Variants in PRMT7 observed in about 807,000 individuals in gnomAD.
PRMT7 encodes protein arginine methyltransferase 7, also known as protein arginine N-methyltransferase 7.
A neutral mutation model predicts 85.4 loss-of-function variants in PRMT7; 75 were observed. That is an observed-to-expected ratio of 0.88 (90% CI 0.73 to 1.06). The LOEUF is 1.06. Ranked by LOEUF, PRMT7 falls within the 50% of genes least tolerant of loss-of-function variation. The pLI, the probability that PRMT7 is intolerant of heterozygous loss-of-function variation, is 0.00. For missense variants in PRMT7, 868 were observed against 915.2 expected (o/e 0.95, Z 0.67); for synonymous variants, 397 against 359.5 (o/e 1.10, Z -1.18).
At chr16:68,348,601 G>A (rs2086769068) in intron 14 of PRMT7, among the ~76,000 whole-genome samples, 170 bp downstream of exon 14, 2 of 150,042 alleles carry the variant, frequency 1.3e-5, no homozygotes, top group Admixed American at 1.3e-4. Flanking sequence ...CTTTCATGGA[G>A]CTGCCCGGTG....
chr16:68,344,933 T>TACACACACACACAC (rs368385265), intron 9 of PRMT7, among the ~76,000 whole-genome samples: 55 of 131,164 alleles, frequency 4.2e-4, no homozygotes, highest in South Asian at 1.2e-3. Context: ...CCTGCATCTC[T>TACACACACACACAC]ACACACACAC....
rs756896202 is a variant in PRMT7, at chr16:68,357,050, A to G, written c.1909-4A>G. The G allele has an allele frequency of 6.2e-7, 1 of 1,603,098 alleles. No individual in the cohort carries two copies. The highest frequency in any genetic ancestry group is 8.5e-7 in the Non-Finnish European group (1 of 1,174,236). ...TCACCATCTTCCTGCTCTTCTTCCT[A>G]CAGGGGGGCTGCTGCTGGAACCCCC... On this transcript the variant is annotated splice_polypyrimidine_tract_variant and splice_region_variant and intron_variant, in intron 18 of 18. Transcript: ENST00000441236.
At chr16:68,332,266 G>A (rs1162915037) in intron 6 of PRMT7, among the ~76,000 whole-genome samples, 3 of 152,138 alleles carry the variant, frequency 2.0e-5, no homozygotes, top group Non-Finnish European at 4.4e-5. Flanking sequence ...ATTGTAGGAT[G>A]TTTAGCAGTG....
chr16:68,328,029 TTTAG>T (rs1237095971), intron 5 of PRMT7: 3 of 187,144 alleles, frequency 1.6e-5, no homozygotes, highest in South Asian at 7.0e-5. Context: ...TTGTTCTATT[TTTAG>T]TTATTGTTAA....
intron 6 of PRMT7, among the ~76,000 whole-genome samples, chr16:68,330,643 G>A (rs1312620033): frequency 5.3e-5 from 8 of 152,136 alleles, no homozygotes; most frequent in Admixed American, 5.2e-4. Flanking sequence ...TGCCCAGGCT[G>A]GAGTGCAATG....
intron 14 of PRMT7, among the ~76,000 whole-genome samples, chr16:68,349,923 T>C (rs1043427212): frequency 1.1e-4 from 16 of 152,216 alleles, no homozygotes; most frequent in Middle Eastern, 3.4e-3. Flanking sequence ...AAAGAGAACA[T>C]TTCTGTTACC....
intron 3 of PRMT7, among the ~76,000 whole-genome samples, chr16:68,317,533 A>G (rs193217786): frequency 4.7e-4 from 71 of 152,206 alleles, no homozygotes; most frequent in African/African-American, 1.3e-3. Context: ...CAAACAAACA[A>G]AGACCAAAAA....
intron 2 of PRMT7, 44 bp downstream of exon 2, chr16:68,312,220 TATATATATA>T (rs2043882040): frequency 2.4e-5 from 1 of 41,468 alleles, no homozygotes; most frequent in African/African-American, 7.1e-5. Context: ...TATATATATA[TATATATATA>T]TTTTTTTTTT....
chr16:68,317,692 T>G (rs1280016531), intron 3 of PRMT7, among the ~76,000 whole-genome samples: 2 of 151,528 alleles, frequency 1.3e-5, no homozygotes, highest in African/African-American at 2.4e-5. Flanking sequence ...CCAGGTGTGG[T>G]GGCGCATGCA....
In PRMT7 at chr16:68,356,702, C is replaced by T. The variant is rs758466691; in HGVS notation, c.1813C>T (p.Pro605Ser). The T allele has an allele frequency of 2.2e-5, 35 of 1,611,358 alleles. No individual in the cohort carries two copies. The highest frequency in any genetic ancestry group is 2.9e-5 in the Non-Finnish European group (34 of 1,179,358). Residue 605 changes from proline (P) to serine (S), a missense_variant and splice_region_variant, in exon 18 of 19, where the codon CCC (proline) becomes TCC (serine). Transcript: ENST00000441236. ...GCTGGGCCCCCCTCTCCTTGACAGG[C>T]CCGGGCAGAGCCACGCAGCGGTGCT... ...CAEGTVELRRPGQSHAAVLWM... is the reference protein window; with the variant it reads ...CAEGTVELRRSGQSHAAVLWM...
intron 14 of PRMT7, among the ~76,000 whole-genome samples, chr16:68,350,077 G>A (rs1233426481): frequency 6.6e-6 from 1 of 152,202 alleles, no homozygotes; most frequent in African/African-American, 2.4e-5. Flanking sequence ...TGTGAGTCTG[G>A]CTCCTTTCGC....
At position 68,339,518 on chromosome 16, in the gene PRMT7, C is replaced by T. The variant is rs2085201860; in HGVS notation, c.701C>T (p.Ser234Leu). 1.2e-6 allele frequency: 2 copies of T among 1,614,164 alleles called. No individual in the cohort carries two copies. Among genetic ancestry groups the T allele is most frequent in the Non-Finnish European group, 8.5e-7 (1 of 1,180,046 alleles). ...TGTGACATTCAGCTGAACCAGGTGTCACCAGCCGACTTTACAGTCCTCAGC... is the reference window on the plus strand; with the variant it reads ...TGTGACATTCAGCTGAACCAGGTGTTACCAGCCGACTTTACAGTCCTCAGC... ...SVCDIQLNQV[S>L]PADFTVLSDV... Residue 234 changes from serine to leucine, a missense_variant, in exon 8 of 19, where the codon TCA becomes TTA. Physicochemically the swap from Ser to Leu is moderately radical, Grantham distance 145. Transcript: ENST00000441236.
At chr16:68,311,194 C>G (rs1241586378) in intron 1 of PRMT7, 95 bp downstream of exon 1, 2 of 579,802 alleles carry the variant, frequency 3.4e-6, no homozygotes, top group East Asian at 3.0e-5. Flanking sequence ...GGCAGAGGAG[C>G]CTAGCGTGGG....
chr16:68,322,509 G>T, intron 4 of PRMT7: 1 of 393,978 alleles, frequency 2.5e-6, no homozygotes, highest in Non-Finnish European at 5.2e-6. Context: ...TCGTGTGCTT[G>T]TTTACCATGT....
intron 2 of PRMT7, among the ~76,000 whole-genome samples, chr16:68,313,600 A>G (rs966599789): frequency 6.6e-6 from 1 of 152,184 alleles, no homozygotes; most frequent in African/African-American, 2.4e-5. Context: ...TCAGTCAGAT[A>G]TGGCCATTTC....
intron 3 of PRMT7, among the ~76,000 whole-genome samples, chr16:68,316,397 T>G (rs1457255530): frequency 3.3e-5 from 5 of 152,204 alleles, no homozygotes; most frequent in African/African-American, 4.8e-5. Flanking sequence ...GACATGTTCA[T>G]CATATGGTTA....
chr16:68,344,461 C>T (rs922608828), intron 9 of PRMT7, among the ~76,000 whole-genome samples: 2 of 152,220 alleles, frequency 1.3e-5, no homozygotes, highest in African/African-American at 4.8e-5. Flanking sequence ...GGCCCCGTGG[C>T]CTTCAGCAGC....
At chr16:68,317,946 C>T (rs988249809) in intron 3 of PRMT7, among the ~76,000 whole-genome samples, 3 of 151,970 alleles carry the variant, frequency 2.0e-5, no homozygotes, top group African/African-American at 4.8e-5. Context: ...GAGAGGCTGC[C>T]GAAAGCATAC....
In PRMT7 at chr16:68,311,070, C is replaced by T. The variant is rs564151938; in HGVS notation, c.-248C>T. On this transcript the variant is annotated 5_prime_UTR_variant, in exon 1 of 19. Transcript: ENST00000441236. ...CTGGCCGCGGTAAAAGTGGTAGCAGCGGAGGCGAGCGGAGGGTTTCCCGCG... is the reference window on the plus strand; with the variant it reads ...CTGGCCGCGGTAAAAGTGGTAGCAGTGGAGGCGAGCGGAGGGTTTCCCGCG... The T allele has an allele frequency of 3.9e-6, 3 of 772,352 alleles. No individual in the cohort carries two copies. Among genetic ancestry groups the T allele is most frequent in the Non-Finnish European group, 6.6e-6 (3 of 451,776 alleles). The allele number at this position is 772,352 out of a possible 1,614,324, so 47.8% of individuals were successfully genotyped here.
Sources: gnomAD v4.1 joint callset for allele counts (sites outside exome capture counted in the v4.1 genomes callset) on GRCh38, gnomAD v4.1.1 for gene constraint, MANE v1.5 for transcripts, NCBI Gene and HGNC (gene_info 2026-07-23, HGNC 2026-07-21) for gene names.